XIRP2: variants seen among roughly 807,000 people sequenced by gnomAD.
XIRP2 encodes the protein xin actin-binding repeat-containing protein 2.
In XIRP2, 236 loss-of-function variants were observed where a neutral mutation model predicts 277.0. The ratio of observed to expected loss-of-function variants is 0.85; its 90% CI spans 0.77 to 0.95. XIRP2 has a LOEUF of 0.95. Ranked by LOEUF, XIRP2 falls within the 40% of genes least tolerant of loss-of-function variation. The pLI is 0.00. For missense variants in XIRP2, 4,640 were observed against 4,157.5 expected (o/e 1.12, Z -3.19); for synonymous variants, 1,490 against 1,416.5 (o/e 1.05, Z -1.17).
chr2:167,109,170 CTCTA>C (rs946184732), intron 2 of XIRP2, among the ~76,000 whole-genome samples: 1 of 152,056 alleles, frequency 6.6e-6, no homozygotes, highest in Non-Finnish European at 1.5e-5. Flanking sequence ...TGTCCTCCAA[CTCTA>C]TCTATGTTTA....
intron 2 of XIRP2, among the ~76,000 whole-genome samples, chr2:167,023,673 T>C (rs559378475): frequency 3.3e-5 from 5 of 152,342 alleles, no homozygotes; most frequent in Non-Finnish European, 5.9e-5. Context: ...TTTCTACTTA[T>C]GGCCAGCCAG....
intron 2 of XIRP2, among the ~76,000 whole-genome samples, chr2:166,978,422 G>A (rs1326257892): frequency 2.0e-5 from 3 of 152,144 alleles, no homozygotes; most frequent in Non-Finnish European, 2.9e-5. Context: ...AGCTTGGGGA[G>A]ACTGAGGCTA....
At chr2:166,998,051 CCTT>C (rs1687270692) in intron 2 of XIRP2, among the ~76,000 whole-genome samples, 1 of 152,114 alleles carries the variant, frequency 6.6e-6, no homozygotes, top group Non-Finnish European at 1.5e-5. Context: ...AATTTACACT[CCTT>C]GTAATTTCTT....
chr2:167,164,067 C>T (rs1306795881), intron 3 of XIRP2, among the ~76,000 whole-genome samples: 1 of 152,162 alleles, frequency 6.6e-6, no homozygotes, highest in Non-Finnish European at 1.5e-5. Context: ...GGTATGTCTT[C>T]CAAGTGTGAT....
At chr2:167,198,440 G>A (rs1371912078) in intron 3 of XIRP2, among the ~76,000 whole-genome samples, 1 of 152,174 alleles carries the variant, frequency 6.6e-6, no homozygotes, top group Non-Finnish European at 1.5e-5. Flanking sequence ...TTATGAAAGA[G>A]AGGAATCAAA....
intron 2 of XIRP2, among the ~76,000 whole-genome samples, chr2:167,071,361 C>T (rs60105601): frequency 0.033 from 5,004 of 151,732 alleles, 144 homozygotes; most frequent in African/African-American, 0.077. Context: ...CAAAAAAATG[C>T]GTTATTAAAA....
chr2:167,022,442 A>AT (rs955254292), intron 2 of XIRP2, among the ~76,000 whole-genome samples: 3 of 151,888 alleles, frequency 2.0e-5, no homozygotes, highest in Admixed American at 6.6e-5. Context: ...TTATGTATTC[A>AT]TTTTTTTAAT....
chr2:166,910,161 T>C (rs1684659378), intron 2 of XIRP2, among the ~76,000 whole-genome samples: 1 of 152,220 alleles, frequency 6.6e-6, no homozygotes, highest in African/African-American at 2.4e-5. Flanking sequence ...CTTTTTCTAT[T>C]GATTGGAATA....
intron 3 of XIRP2, among the ~76,000 whole-genome samples, chr2:167,155,898 G>A (rs1692181311): frequency 6.6e-6 from 1 of 150,992 alleles, no homozygotes; most frequent in Non-Finnish European, 1.5e-5. Context: ...CTTCAGCAAA[G>A]TCTCAGGACA....
chr2:167,049,278 C>G (rs1171906608), intron 2 of XIRP2, among the ~76,000 whole-genome samples: 1 of 151,302 alleles, frequency 6.6e-6, no homozygotes, highest in African/African-American at 2.4e-5. Context: ...GTGGCATGCC[C>G]TTTGATTTTT....
chr2:166,910,591 G>GT (rs1429572184), intron 2 of XIRP2, among the ~76,000 whole-genome samples: 8 of 152,056 alleles, frequency 5.3e-5, no homozygotes, highest in Non-Finnish European at 1.2e-4. Flanking sequence ...TTTTTGAAGG[G>GT]TTTTTTGTGT....
intron 3 of XIRP2, among the ~76,000 whole-genome samples, chr2:167,136,362 A>G (rs1194425944): frequency 6.6e-6 from 1 of 152,204 alleles, no homozygotes; most frequent in Non-Finnish European, 1.5e-5. Flanking sequence ...TCTGACTTTA[A>G]CTTTTGTGAA....
chr2:167,166,133 T>C (rs1692514630), intron 3 of XIRP2, among the ~76,000 whole-genome samples: 1 of 152,242 alleles, frequency 6.6e-6, no homozygotes, highest in African/African-American at 2.4e-5. Context: ...ATCAGTTGGC[T>C]ACAAATTTTG....
intron 2 of XIRP2, among the ~76,000 whole-genome samples, chr2:166,980,972 C>T (rs1310190231): frequency 3.9e-5 from 6 of 152,048 alleles, no homozygotes; most frequent in Admixed American, 2.0e-4. Flanking sequence ...TCACAACCCA[C>T]GTATGGTTAA....
intron 2 of XIRP2, among the ~76,000 whole-genome samples, chr2:167,131,327 A>T (rs1298155768): frequency 6.6e-6 from 1 of 152,128 alleles, no homozygotes; most frequent in Non-Finnish European, 1.5e-5. Context: ...CTATCTCATT[A>T]AATAATTTGA....
Position 167,258,011 on chromosome 2 carries a change from A to G in XIRP2, c.*194A>G. 1 of 1,613,208 alleles carries G rather than the reference A, an allele frequency of 6.2e-7. No individual in the cohort carries two copies. Among genetic ancestry groups the G allele is most frequent in the Middle Eastern group, 1.7e-4 (1 of 6,048 alleles). On this transcript the variant is annotated 3_prime_UTR_variant, in exon 11 of 11. Transcript: ENST00000409195. ...AAACCAAAGCAGATCAGTGGACTTTATTCCTAATGAAGAACCAAATATGTG... is the reference window on the plus strand; with the variant it reads ...AAACCAAAGCAGATCAGTGGACTTTGTTCCTAATGAAGAACCAAATATGTG...
At chr2:167,022,651 C>T (rs2105487451) in intron 2 of XIRP2, among the ~76,000 whole-genome samples, 1 of 151,932 alleles carries the variant, frequency 6.6e-6, no homozygotes, top group South Asian at 2.1e-4. Context: ...TTCCTGTGTC[C>T]ATGTGTTCTC....
At chr2:167,158,227 A>G (rs1386424113) in intron 3 of XIRP2, among the ~76,000 whole-genome samples, 1 of 152,234 alleles carries the variant, frequency 6.6e-6, no homozygotes, top group East Asian at 1.9e-4. Flanking sequence ...ATATGGTTTT[A>G]TACATATTTT....
intron 2 of XIRP2, among the ~76,000 whole-genome samples, chr2:166,973,174 A>G (rs1257617439): frequency 6.6e-6 from 1 of 152,116 alleles, no homozygotes. Context: ...AAATAGGGAG[A>G]ATGATAATGG....
Sources: allele counts gnomAD v4.1 joint callset (sites outside exome capture counted in the v4.1 genomes callset), GRCh38; gene constraint gnomAD v4.1.1; transcripts MANE v1.5; gene names NCBI Gene and HGNC (gene_info 2026-07-23, HGNC 2026-07-21).